GRIK4: variants seen among roughly 807,000 people sequenced by gnomAD.
GRIK4 encodes glutamate ionotropic receptor kainate type subunit 4.
GRIK4 carries 40 observed loss-of-function variants against 104.9 expected under a neutral mutation model. The observed-to-expected ratio is 0.38, with a 90% confidence interval of 0.30 to 0.50. GRIK4 has a LOEUF of 0.50. GRIK4 is among the 20% of genes least tolerant of loss of function. The probability of loss-of-function intolerance (pLI) is 0.93; values close to 1 mark genes in which losing one functional copy is unlikely to be tolerated. For synonymous variants in GRIK4, 485 were observed against 524.9 expected (o/e 0.92, Z 1.04); for missense variants, 1,047 against 1,308.1 (o/e 0.80, Z 3.08).
chr11:120,575,860 C>G (rs995891684), intron 1 of GRIK4: 8 of 151,944 alleles, frequency 5.3e-5, no homozygotes, highest in African/African-American at 1.9e-4. Context: ...TGCTTTGGGA[C>G]ACCGAGGCAG....
chr11:120,680,862 A>G (rs1204173189), intron 3 of GRIK4, among the ~76,000 whole-genome samples: 1 of 152,188 alleles, frequency 6.6e-6, no homozygotes, highest in Admixed American at 6.5e-5. Flanking sequence ...GTCTCTCTCC[A>G]AGGACCCTCT....
intron 1 of GRIK4, among the ~76,000 whole-genome samples, chr11:120,632,443 T>G (rs573820650): frequency 6.6e-6 from 1 of 152,214 alleles, no homozygotes; most frequent in African/African-American, 2.4e-5. Context: ...CCGTGTCCCC[T>G]TCTCCTCCTC....
chr11:120,780,683 A>C (rs1177308205), intron 3 of GRIK4, among the ~76,000 whole-genome samples: 1 of 152,002 alleles, frequency 6.6e-6, no homozygotes, highest in South Asian at 2.1e-4. Context: ...TTCTATTTCT[A>C]ATTTTTTGAG....
intron 1 of GRIK4, among the ~76,000 whole-genome samples, chr11:120,562,924 C>T (rs887171097): frequency 2.0e-5 from 3 of 152,262 alleles, no homozygotes; most frequent in African/African-American, 7.2e-5. Context: ...TCTGCAGGGT[C>T]CAGCTGCCTG....
At chr11:120,678,833 C>A (rs977323656) in intron 3 of GRIK4, among the ~76,000 whole-genome samples, 1 of 152,002 alleles carries the variant, frequency 6.6e-6, no homozygotes, top group Admixed American at 6.5e-5. Context: ...CAGGGTTTCA[C>A]CATCTTGGCC....
intron 3 of GRIK4, among the ~76,000 whole-genome samples, chr11:120,678,591 T>C (rs894682224): frequency 4.0e-5 from 6 of 151,542 alleles, no homozygotes; most frequent in Non-Finnish European, 8.8e-5. Context: ...GGTGGTCCTA[T>C]AGACCAGGCG....
intron 8 of GRIK4, among the ~76,000 whole-genome samples, chr11:120,857,973 GCTTTA>G (rs1362692689): frequency 1.3e-5 from 2 of 152,284 alleles, no homozygotes; most frequent in African/African-American, 4.8e-5. Flanking sequence ...CCACCACTTG[GCTTTA>G]CCAGGTCCCA....
intron 1 of GRIK4, among the ~76,000 whole-genome samples, chr11:120,598,467 C>A (rs1314710605): frequency 6.6e-6 from 1 of 152,210 alleles, no homozygotes; most frequent in Non-Finnish European, 1.5e-5. Context: ...CCTGAGGAGC[C>A]AACCAGTTCT....
chr11:120,731,163 C>T (rs1162519353), intron 3 of GRIK4, among the ~76,000 whole-genome samples: 12 of 151,822 alleles, frequency 7.9e-5, no homozygotes, highest in African/African-American at 2.7e-4. Flanking sequence ...GAAAGGCTTT[C>T]AGTTTTTCTC....
At chr11:120,975,941 C>T (rs1944554740) in intron 19 of GRIK4, among the ~76,000 whole-genome samples, 1 of 152,206 alleles carries the variant, frequency 6.6e-6, no homozygotes, top group Non-Finnish European at 1.5e-5. Flanking sequence ...GCCCATTTCA[C>T]AGGGTAACTG....
chr11:120,839,883 C>T (rs570884344), intron 8 of GRIK4, among the ~76,000 whole-genome samples: 9 of 152,336 alleles, frequency 5.9e-5, no homozygotes, highest in South Asian at 2.1e-4. Context: ...TTATCCATCA[C>T]GAATCGAACT....
intron 3 of GRIK4, among the ~76,000 whole-genome samples, chr11:120,675,536 G>A (rs982317673): frequency 2.5e-4 from 38 of 152,302 alleles, no homozygotes; most frequent in African/African-American, 8.2e-4. Context: ...AGCATGCACA[G>A]TGTGTGGCAT....
intron 1 of GRIK4, among the ~76,000 whole-genome samples, chr11:120,642,202 G>A (rs1163376803): frequency 6.6e-6 from 1 of 152,172 alleles, no homozygotes; most frequent in Non-Finnish European, 1.5e-5. Context: ...GTGGTGGTGT[G>A]TGTCTGTGGT....
intron 3 of GRIK4, 62 bp downstream of exon 3, chr11:120,660,462 A>G (rs1490965796): frequency 3.1e-6 from 4 of 1,274,584 alleles, no homozygotes; most frequent in African/African-American, 2.9e-5. Flanking sequence ...CACAAGGGAC[A>G]TGAGAGTGCT....
At chr11:120,899,606 G>C (rs1015123417) in intron 12 of GRIK4, among the ~76,000 whole-genome samples, 1 of 152,140 alleles carries the variant, frequency 6.6e-6, no homozygotes, top group African/African-American at 2.4e-5. Flanking sequence ...TCCTGAGGTT[G>C]TAAGTTAGTA....
At chr11:120,558,681 G>A (rs1357712730) in intron 1 of GRIK4, among the ~76,000 whole-genome samples, 65 of 152,358 alleles carry the variant, frequency 4.3e-4, no homozygotes, top group Non-Finnish European at 8.8e-5. Flanking sequence ...ACAAGAGACA[G>A]GCATTTATAC....
At chr11:120,512,040 C>T (rs1446299682) in intron 1 of GRIK4, among the ~76,000 whole-genome samples, 153 bp downstream of exon 1, 3 of 145,678 alleles carry the variant, frequency 2.1e-5, no homozygotes, top group African/African-American at 7.5e-5. Flanking sequence ...ACCCCTGCCC[C>T]GGCCCCCGCC....
intron 12 of GRIK4, among the ~76,000 whole-genome samples, chr11:120,901,161 G>T (rs1942726903): frequency 6.6e-6 from 1 of 152,022 alleles, no homozygotes; most frequent in South Asian, 2.1e-4. Flanking sequence ...ATCAGAATTG[G>T]CCTGGCATTT....
At chr11:120,589,921 G>A (rs11217920) in intron 1 of GRIK4, among the ~76,000 whole-genome samples, 17,056 of 152,128 alleles carry the variant, frequency 0.11, 3,191 homozygotes, top group African/African-American at 0.39. Flanking sequence ...AAAGGTCATT[G>A]GACCCAATCC....
Sources: allele counts gnomAD v4.1 joint callset (sites outside exome capture counted in the v4.1 genomes callset), GRCh38; gene constraint gnomAD v4.1.1; transcripts MANE v1.5; gene names NCBI Gene and HGNC (gene_info 2026-07-23, HGNC 2026-07-21).